ZNF367: variants seen among roughly 807,000 people sequenced by gnomAD.
ZNF367 encodes C2H2 zinc finger protein ZFF29.
A neutral mutation model predicts 31.8 loss-of-function variants in ZNF367; 11 were observed. The ratio of observed to expected loss-of-function variants is 0.35; its 90% CI spans 0.22 to 0.57. The LOEUF (loss-of-function observed/expected upper bound fraction) is 0.57, where lower values mean the gene tolerates loss of function less well. ZNF367 is among the 20% of genes least tolerant of loss of function. The probability of loss-of-function intolerance (pLI) is 0.85; values close to 1 mark genes in which losing one functional copy is unlikely to be tolerated. For synonymous variants in ZNF367, 199 were observed against 202.4 expected, an observed-to-expected ratio of 0.98 and a Z score of 0.14; for missense variants, 353 against 484.1, an observed-to-expected ratio of 0.73 and a Z score of 2.54.
In ZNF367 at chr9:96,418,064, C is replaced by A; in HGVS notation, c.-32G>T. Reference sequence around the variant, plus strand: ...GCCCGACCCCCAGCTCCGGCGGCCCCGGGCCGCACTCCTGAGCACCGCTCT... The same window carrying A: ...GCCCGACCCCCAGCTCCGGCGGCCCAGGGCCGCACTCCTGAGCACCGCTCT... On this transcript the variant is annotated 5_prime_UTR_variant, in exon 1 of 5. Transcript: ENST00000375256. 1 of 1,350,618 alleles carries A rather than the reference C, an allele frequency of 7.4e-7. No homozygotes were observed. Among genetic ancestry groups the A allele is most frequent in the Non-Finnish European group, 9.5e-7 (1 of 1,056,756 alleles). 83.7% of individuals were successfully genotyped at this position (1,350,618 alleles called of 1,614,324 possible). A position where few individuals can be genotyped will look rare whatever the true frequency, so the allele number is the denominator to read the frequency against.
chr9:96,417,871 C>T lies in ZNF367; in HGVS notation c.162G>A (p.Pro54=). ...CGGGGEPEPP[P]PLIPTSPGFS... ...AGCCGGGGCTGGTGGGGATGAGCGG[C>T]GGCGGCGGCTCCGGCTCCCCTCCAC... The change falls in exon 1 of 5, where the codon CCG becomes CCA. Residue 54 remains proline (P), a synonymous_variant. Coordinates refer to ENST00000375256, the MANE Select transcript of ZNF367 (RefSeq NM_153695.4). The surrounding 1 kb of genome is among the most constrained non-coding windows in gnomAD (Gnocchi z 5.0). 8 of 1,516,326 alleles carry T rather than the reference C, an allele frequency of 5.3e-6. No individual in the cohort carries two copies. Among genetic ancestry groups the T allele is most frequent in the Admixed American group, 2.2e-5 (1 of 45,342 alleles). The allele number at this position is 1,516,326 out of a possible 1,614,324, so 93.9% of individuals were successfully genotyped here.
chr9:96,408,530 G>A (rs1831700755), intron 1 of ZNF367, among the ~76,000 whole-genome samples: 1 of 152,108 alleles, frequency 6.6e-6, no homozygotes, highest in East Asian at 1.9e-4. Flanking sequence ...GTGACAAAAA[G>A]GCAAATACTG....
At chr9:96,393,157 A>T (rs1831492643) in intron 3 of ZNF367, among the ~76,000 whole-genome samples, 1 of 152,248 alleles carries the variant, frequency 6.6e-6, no homozygotes, top group Non-Finnish European at 1.5e-5. Flanking sequence ...AAGCATCCCA[A>T]AAGATGAACA....
Position 96,406,865 on chromosome 9 carries a change from G to A in ZNF367, c.421-8551C>T, listed in dbSNP as rs111581437. On this transcript the variant is annotated intron_variant, in intron 1 of 4. Coordinates refer to ENST00000375256, the MANE Select transcript of ZNF367 (RefSeq NM_153695.4). ...AAAATACAAAAAATTAGCTGGGCGC[G>A]GTGGGGGGCGCCTGTAGTCCCAGCT... Among the ~76,000 whole-genome samples, 368 of 151,874 alleles carry A rather than the reference G, an allele frequency of 2.4e-3. 1 individual carries two copies. The highest frequency in any genetic ancestry group is 8.4e-3 in the African/African-American group (346 of 41,406).
chr9:96,393,980 G>C (rs1455401512), intron 3 of ZNF367, among the ~76,000 whole-genome samples: 1 of 152,186 alleles, frequency 6.6e-6, no homozygotes, highest in Non-Finnish European at 1.5e-5. Flanking sequence ...AGATTGCACG[G>C]AACTTCAAAT....
intron 1 of ZNF367, among the ~76,000 whole-genome samples, chr9:96,414,452 G>A (rs1564145675): frequency 1.3e-5 from 2 of 152,114 alleles, no homozygotes; most frequent in African/African-American, 2.4e-5. Context: ...GTACAGCATG[G>A]AAATACAATT....
chr9:96,405,494 T>C (rs1228670542), intron 1 of ZNF367, among the ~76,000 whole-genome samples: 1 of 152,126 alleles, frequency 6.6e-6, no homozygotes. Context: ...AACCATCATA[T>C]ACTACTGATG....
intron 1 of ZNF367, among the ~76,000 whole-genome samples, chr9:96,405,703 A>G (rs1382239039): frequency 6.6e-6 from 1 of 152,248 alleles, no homozygotes; most frequent in Non-Finnish European, 1.5e-5. Flanking sequence ...AAAAGGCGAC[A>G]TATTATGTGA....
intron 1 of ZNF367, among the ~76,000 whole-genome samples, chr9:96,416,668 C>A (rs1466184236): frequency 6.6e-6 from 1 of 152,206 alleles, no homozygotes; most frequent in Non-Finnish European, 1.5e-5. Flanking sequence ...AGCCACTTAA[C>A]AAATGGAACC....
Position 96,417,157 on chromosome 9 carries a change from C to T in ZNF367, c.420+456G>A, listed in dbSNP as rs1224114450. On this transcript the variant is annotated intron_variant, in intron 1 of 4. Coordinates refer to ENST00000375256, the MANE Select transcript of ZNF367 (RefSeq NM_153695.4). The surrounding 1 kb of genome is among the most constrained non-coding windows in gnomAD (Gnocchi z 5.0). ...CGCAGAACAGGCCCAGAAGTCCTTT[C>T]TTGCTCTTCGGCTGTCTCTGCAGGG... Among the ~76,000 whole-genome samples, 1 of 152,236 alleles carries T rather than the reference C, an allele frequency of 6.6e-6. No individual in the cohort carries two copies. The highest frequency in any genetic ancestry group is 6.5e-5 in the Admixed American group (1 of 15,278).
rs374151445 is a variant in ZNF367, at chr9:96,388,186, T to C, written c.*51A>G. ...TTAGCTTATGCCCAAGGATCTACTT[T>C]TTAAGTATGCTGGGCAGTACTTTTG... On this transcript the variant is annotated 3_prime_UTR_variant, in exon 5 of 5. Coordinates refer to ENST00000375256, the MANE Select transcript of ZNF367 (RefSeq NM_153695.4). The C allele has an allele frequency of 5.6e-5, 86 of 1,522,772 alleles. No individual in the cohort carries two copies. The African/African-American group carries it at 1.2e-3, about 21-fold the overall frequency. 94.3% of individuals were successfully genotyped at this position (1,522,772 alleles called of 1,614,324 possible).
chr9:96,392,705 G>C (rs1293511638), intron 3 of ZNF367, among the ~76,000 whole-genome samples, 169 bp from the exon 4 acceptor site: 1 of 152,250 alleles, frequency 6.6e-6, no homozygotes, highest in African/African-American at 2.4e-5. Flanking sequence ...ATCAGTGCTA[G>C]AGCGGGGACA....
intron 1 of ZNF367, among the ~76,000 whole-genome samples, chr9:96,405,185 G>A (rs1587746602): frequency 1.3e-5 from 2 of 152,040 alleles, no homozygotes; most frequent in South Asian, 4.2e-4. Flanking sequence ...AGTCAGGCAT[G>A]ATGGCGAGTG....
intron 1 of ZNF367, among the ~76,000 whole-genome samples, chr9:96,403,921 C>T (rs1007020864): frequency 2.0e-5 from 3 of 152,206 alleles, no homozygotes; most frequent in Admixed American, 6.5e-5. Context: ...TAGCTGGACA[C>T]GGTAGCCCAT....
At chr9:96,416,213 A>T (rs1292842236) in intron 1 of ZNF367, among the ~76,000 whole-genome samples, 1 of 151,000 alleles carries the variant, frequency 6.6e-6, no homozygotes, top group East Asian at 2.0e-4. Flanking sequence ...CAGCCTCCCG[A>T]GTAGCTGGGA....
rs1831689186 is a variant in ZNF367 at position 96,407,771 on chromosome 9, C to G, written c.421-9457G>C. 3.0e-6 allele frequency: 4 copies of G among 1,344,460 alleles called. 1 individual carries two copies. The East Asian group carries it at 9.3e-5, about 31-fold the overall frequency. The allele number at this position is 1,344,460 out of a possible 1,614,324, so 83.3% of individuals were successfully genotyped here. On this transcript the variant is annotated intron_variant, in intron 1 of 4. Coordinates refer to ENST00000375256, the MANE Select transcript of ZNF367 (RefSeq NM_153695.4). The stretch of plus-strand genomic sequence containing the variant: ...GGAGATGGCTTTACAAGAAAACCAC[C>G]TAAATATGAAAGATTCATCAGGCCA...
intron 4 of ZNF367, among the ~76,000 whole-genome samples, chr9:96,390,079 G>C (rs561992504): frequency 1.8e-4 from 27 of 151,306 alleles, no homozygotes; most frequent in Non-Finnish European, 3.1e-4. Context: ...CACCAGGCCT[G>C]TATTTTTAGT....
intron 1 of ZNF367, among the ~76,000 whole-genome samples, chr9:96,405,273 C>G (rs537042568): frequency 1.3e-5 from 2 of 148,664 alleles, no homozygotes; most frequent in East Asian, 3.9e-4. Flanking sequence ...CGAGATCACA[C>G]CACTGCACTC....
rs530653428 is a variant in ZNF367 at position 96,411,557 on chromosome 9, G to A, written c.420+6056C>T. On this transcript the variant is annotated intron_variant, in intron 1 of 4. Transcript: ENST00000375256. The stretch of plus-strand genomic sequence containing the variant: ...AGCCTGGGTGACAGAGTGAGACTTC[G>A]TCTGAAAAACATAAAAAATAAGTAA... Among the ~76,000 whole-genome samples the A allele has an allele frequency of 9.9e-5, 15 of 152,148 alleles. No homozygotes were observed. In the South Asian group the frequency reaches 2.3e-3, roughly 23 times the overall value.
Sources: gnomAD v4.1 joint callset for allele counts (sites outside exome capture counted in the v4.1 genomes callset) on GRCh38, gnomAD v4.1.1 for gene constraint, Gnocchi (gnomAD v3.1) non-coding constraint, MANE v1.5 for transcripts, NCBI Gene and HGNC (gene_info 2026-07-23, HGNC 2026-07-21) for gene names.